Variants in NEXMIF observed in about 807,000 individuals in gnomAD.
NEXMIF encodes the protein XLMR protein related to neurite extension.
NEXMIF carries 8 observed loss-of-function variants against 62.1 expected under a neutral mutation model. The observed-to-expected ratio is 0.13, with a 90% CI of 0.08 to 0.23. The LOEUF is 0.23. NEXMIF is among the 10% of genes least tolerant of loss of function. The probability of loss-of-function intolerance (pLI) is 1.00; values close to 1 mark genes in which losing one functional copy is unlikely to be tolerated. For missense variants in NEXMIF, 976 were observed against 1,113.3 expected, an observed-to-expected ratio of 0.88 and a Z score of 1.75; for synonymous variants, 404 against 416.6, an observed-to-expected ratio of 0.97 and a Z score of 0.37.
intron 1 of NEXMIF, among the ~76,000 whole-genome samples, chrX:74,793,623 T>C (rs1227337510): frequency 9.1e-6 from 1 of 109,807 alleles, no homozygotes; most frequent in Admixed American, 9.8e-5. Context: ...CAATCAGACG[T>C]AGATTTGGTC....
Position 74,839,239 on chromosome X carries a change from A to G in NEXMIF, c.-48+85644T>C, listed in dbSNP as rs776667717. On this transcript the variant is annotated intron_variant, in intron 1 of 3. Transcript: ENST00000055682. ...GGGTGGGAATCCAGTTCATCACTGCATTCCACACAGAACTTTTCATATTGT... is the reference window on the plus strand; with the variant it reads ...GGGTGGGAATCCAGTTCATCACTGCGTTCCACACAGAACTTTTCATATTGT... Among the ~76,000 whole-genome samples, 5 of 111,831 alleles carry G rather than the reference A, an allele frequency of 4.5e-5. 1 individual carries two copies. The South Asian group carries it at 1.9e-3, about 42-fold the overall frequency.
intron 1 of NEXMIF, among the ~76,000 whole-genome samples, chrX:74,758,394 G>A (rs2080165531): frequency 9.0e-6 from 1 of 110,984 alleles, no homozygotes; most frequent in Admixed American, 9.6e-5. Flanking sequence ...TAGAACAAGA[G>A]GACTCAAAAC....
At chrX:74,801,394 C>T (rs1267770935) in intron 1 of NEXMIF, among the ~76,000 whole-genome samples, 1 of 111,804 alleles carries the variant, frequency 8.9e-6, no homozygotes, top group African/African-American at 3.3e-5. Flanking sequence ...AACTGTCAAA[C>T]TGCCTTCCAA....
chrX:74,794,383 G>A (rs2080297930), intron 1 of NEXMIF, among the ~76,000 whole-genome samples: 1 of 106,953 alleles, frequency 9.3e-6, no homozygotes, highest in Admixed American at 1.0e-4. Flanking sequence ...CTTCAAAGCT[G>A]TCAGACAGGG....
intron 1 of NEXMIF, among the ~76,000 whole-genome samples, chrX:74,781,739 A>AGC (rs1569342046): frequency 9.7e-5 from 9 of 93,141 alleles, no homozygotes; most frequent in Non-Finnish European, 1.1e-4. Flanking sequence ...TGTATGTGAA[A>AGC]TTTATACTAA....
chrX:74,769,630 C>T, intron 1 of NEXMIF: 2 of 620,080 alleles, frequency 3.2e-6, no homozygotes, highest in Non-Finnish European at 5.5e-6. Flanking sequence ...TATATTCAGT[C>T]ACGGTATCCG....
chrX:74,820,413 C>G (rs1227223866), intron 1 of NEXMIF, among the ~76,000 whole-genome samples: 5 of 110,795 alleles, frequency 4.5e-5, no homozygotes, highest in Non-Finnish European at 9.4e-5. Flanking sequence ...GTTGGGAATG[C>G]AAATTAGTTC....
intron 1 of NEXMIF, among the ~76,000 whole-genome samples, chrX:74,815,839 T>G (rs958200173): frequency 7.3e-5 from 8 of 110,104 alleles, no homozygotes; most frequent in Non-Finnish European, 1.5e-4. Context: ...TTTCATCGTG[T>G]TAGCCAGGAT....
intron 1 of NEXMIF, among the ~76,000 whole-genome samples, chrX:74,864,739 G>A (rs1023204293): frequency 5.5e-5 from 6 of 108,298 alleles, no homozygotes; most frequent in Non-Finnish European, 1.1e-4. Context: ...ATGGAGTTTC[G>A]CTCTTGTTGC....
intron 1 of NEXMIF, among the ~76,000 whole-genome samples, chrX:74,819,228 A>C (rs899443540): frequency 1.8e-4 from 20 of 112,132 alleles, no homozygotes; most frequent in African/African-American, 6.1e-4. Flanking sequence ...AACCATAAAA[A>C]CCCCAGAAGA....
In NEXMIF at chrX:74,740,804, T is replaced by C. The variant is rs143365662; in HGVS notation, c.3753A>G (p.Ile1251Met). 44 of 1,210,463 alleles carry C rather than the reference T, an allele frequency of 3.6e-5. No individual in the cohort carries two copies. Among genetic ancestry groups the C allele is most frequent in the Admixed American group, 3.3e-4 (15 of 45,870 alleles). The part of the protein sequence containing the change: ...IGRGGSQTNT[I>M]SSTGKTLAEC... ...CAGCCAATGTCTTCCCAGTGGAGGA[T>C]ATGGTGTTGGTTTGGCTTCCCCCAC... Residue 1251 changes from isoleucine to methionine, a missense_variant, in exon 3 of 4, where the codon ATA becomes ATG. By Grantham distance (10) the Ile-to-Met change is conservative. Around this residue, in one of 5 missense-constraint regions of NEXMIF, gnomAD observed 639 missense variants for 694.5 expected, o/e 0.92. Coordinates refer to ENST00000055682, the MANE Select transcript of NEXMIF (RefSeq NM_001008537.3).
chrX:74,767,116 C>G (rs1447415339), intron 1 of NEXMIF, among the ~76,000 whole-genome samples: 2 of 112,622 alleles, frequency 1.8e-5, no homozygotes, highest in Non-Finnish European at 3.8e-5. Context: ...GCCCCTCCCA[C>G]TGGGAGCTCT....
Position 74,736,327 on chromosome X carries a change from C to T in NEXMIF, c.*3078G>A, listed in dbSNP as rs1159183918. The T allele has an allele frequency of 9.1e-6, 1 of 110,431 alleles. No individual in the cohort carries two copies. Among genetic ancestry groups the T allele is most frequent in the Non-Finnish European group, 1.9e-5 (1 of 52,829 alleles). The allele number at this position is 110,431 out of a possible 1,213,427, so 9.1% of individuals were successfully genotyped here. A position where few individuals can be genotyped will look rare whatever the true frequency, so the allele number is the denominator to read the frequency against. ...CAATTTGGGCAGGTGGGATATGAGA[C>T]CATAAAAGAAAAATTCTAAGACCAA... On this transcript the variant is annotated 3_prime_UTR_variant, in exon 4 of 4. Coordinates refer to ENST00000055682, the MANE Select transcript of NEXMIF (RefSeq NM_001008537.3).
At chrX:74,770,643 A>T (rs1292660267) in intron 1 of NEXMIF, among the ~76,000 whole-genome samples, 1 of 112,101 alleles carries the variant, frequency 8.9e-6, no homozygotes, top group African/African-American at 3.2e-5. Context: ...AGTGTAAGAA[A>T]TATCTTGTCA....
intron 1 of NEXMIF, among the ~76,000 whole-genome samples, chrX:74,863,471 T>A (rs2080565681): frequency 9.0e-6 from 1 of 111,250 alleles, no homozygotes; most frequent in Admixed American, 9.6e-5. Flanking sequence ...CAAAAAACCA[T>A]CAGAGAATAC....
intron 1 of NEXMIF, among the ~76,000 whole-genome samples, chrX:74,796,256 TA>T (rs1383305662): frequency 3.5e-4 from 8 of 23,187 alleles, no homozygotes; most frequent in African/African-American, 6.5e-4. Context: ...ACATATATAT[TA>T]TATATATTAT....
intron 1 of NEXMIF, among the ~76,000 whole-genome samples, chrX:74,751,251 A>C (rs1310934346): frequency 9.0e-6 from 1 of 110,949 alleles, no homozygotes; most frequent in Non-Finnish European, 1.9e-5. Flanking sequence ...TCCAAAATTC[A>C]AAAGATATGC....
Position 74,743,269 on chromosome X carries a change from C to T in NEXMIF, c.1288G>A (p.Ala430Thr), listed in dbSNP as rs1179610634. 2 of 1,209,685 alleles carry T rather than the reference C, an allele frequency of 1.7e-6. No individual in the cohort carries two copies. The highest frequency in any genetic ancestry group is 1.8e-5 in the African/African-American group (1 of 57,118). ...CTCCCTGATGTCTCCAGGGAATTAGCAAGATGGCCCTGCTTTGGATTCTTA... is the reference window on the plus strand; with the variant it reads ...CTCCCTGATGTCTCCAGGGAATTAGTAAGATGGCCCTGCTTTGGATTCTTA... ...QLKNPKQGHL[A>T]NSLETSGSFS... Residue 430 changes from alanine (A) to threonine (T), a missense_variant, in exon 3 of 4, where the codon GCT becomes ACT. Ala to Thr is a moderately conservative substitution (Grantham distance 58). Transcript: ENST00000055682.
At chrX:74,877,218 C>A (rs1386601087) in intron 1 of NEXMIF, among the ~76,000 whole-genome samples, 1 of 110,953 alleles carries the variant, frequency 9.0e-6, no homozygotes, top group Non-Finnish European at 1.9e-5. Context: ...ATTTGCTTAT[C>A]TGTAAAGTAT....
Sources: allele counts gnomAD v4.1 joint callset (sites outside exome capture counted in the v4.1 genomes callset), GRCh38; gene constraint gnomAD v4.1.1; regional missense constraint gnomAD v4.1.1; transcripts MANE v1.5; gene names NCBI Gene and HGNC (gene_info 2026-07-23, HGNC 2026-07-21).